Variants in P4HA1 observed in about 807,000 individuals in gnomAD.
P4HA1 encodes the protein prolyl 4-hydroxylase subunit alpha-1.
Under a neutral mutation model 72.8 loss-of-function variants are expected in P4HA1, and 24 were observed. The observed-to-expected ratio is 0.33, with a 90% CI of 0.24 to 0.46. The LOEUF (loss-of-function observed/expected upper bound fraction) is 0.46. Among genes scored for constraint, P4HA1 ranks in the 20% least tolerant of loss-of-function variants. The probability of loss-of-function intolerance (pLI) is 1.00; values close to 1 mark genes in which losing one functional copy is unlikely to be tolerated. For synonymous variants in P4HA1, 201 were observed against 218.8 expected (o/e 0.92, Z 0.72); for missense variants, 446 against 640.6 (o/e 0.70, Z 3.28).
intron 1 of P4HA1, among the ~76,000 whole-genome samples, chr10:73,080,900 C>A (rs111729909): frequency 9.9e-5 from 15 of 152,252 alleles, no homozygotes; most frequent in African/African-American, 3.6e-4. Flanking sequence ...TGCACTCCAG[C>A]CTGGGCAACA....
At chr10:73,059,767 T>A (rs1387748705) in intron 5 of P4HA1, among the ~76,000 whole-genome samples, 1 of 147,752 alleles carries the variant, frequency 6.8e-6, no homozygotes, top group Non-Finnish European at 1.5e-5. Context: ...AAAATAAAAA[T>A]AAATAAAATA....
At chr10:73,050,867 G>C (rs1444819842) in intron 7 of P4HA1, among the ~76,000 whole-genome samples, 186 bp downstream of exon 7, 1 of 152,052 alleles carries the variant, frequency 6.6e-6, no homozygotes, top group Non-Finnish European at 1.5e-5. Flanking sequence ...AGCATGCCCA[G>C]CTAATTTTTA....
chr10:73,029,739 C>T (rs1430728445), intron 10 of P4HA1, among the ~76,000 whole-genome samples: 2 of 151,168 alleles, frequency 1.3e-5, no homozygotes, highest in Non-Finnish European at 2.9e-5. Flanking sequence ...CTGTTTACTA[C>T]AGATATTTTG....
intron 5 of P4HA1, among the ~76,000 whole-genome samples, chr10:73,064,059 G>C (rs1841368405): frequency 6.6e-6 from 1 of 152,060 alleles, no homozygotes; most frequent in Non-Finnish European, 1.5e-5. Flanking sequence ...AAATTCCTTT[G>C]GTTCAAAGGA....
chr10:73,023,893 A>C (rs1840198155), intron 10 of P4HA1, among the ~76,000 whole-genome samples: 1 of 152,190 alleles, frequency 6.6e-6, no homozygotes, highest in Non-Finnish European at 1.5e-5. Flanking sequence ...GAGACAAAGA[A>C]GGCCATTACG....
At position 73,068,875 on chromosome 10, in the gene P4HA1, G is replaced by A; in HGVS notation, c.434C>T (p.Thr145Ile). ...AAGATTACCCTTTGAGATGGTATCTGTATCCAAATTGTAGGTATCCTGGAG... is the reference window on the plus strand; with the variant it reads ...AAGATTACCCTTTGAGATGGTATCTATATCCAAATTGTAGGTATCCTGGAG... The part of the protein sequence containing the change: ...LRLQDTYNLD[T>I]DTISKGNLPG... Residue 145 changes from threonine (T) to isoleucine (I), a missense_variant, in exon 5 of 15, where the codon ACA (threonine) becomes ATA (isoleucine). Coordinates refer to ENST00000394890, the MANE Select transcript of P4HA1 (RefSeq NM_001017962.3). The A allele has an allele frequency of 6.2e-7, 1 of 1,612,434 alleles. No homozygotes were observed. The highest frequency in any genetic ancestry group is 8.5e-7 in the Non-Finnish European group (1 of 1,178,594).
chr10:73,071,507 A>T (rs1841565422), intron 4 of P4HA1: 1 of 152,194 alleles, frequency 6.6e-6, no homozygotes, highest in South Asian at 2.1e-4. Flanking sequence ...TTAGTCTTCT[A>T]CATCTGTTAT....
intron 4 of P4HA1, chr10:73,071,459 G>A (rs1024726792): frequency 2.0e-5 from 3 of 151,912 alleles, no homozygotes; most frequent in Non-Finnish European, 4.4e-5. Context: ...GGCGGGGGGC[G>A]AGGCATAATC....
intron 10 of P4HA1, among the ~76,000 whole-genome samples, chr10:73,021,550 C>A (rs1207017184): frequency 6.6e-6 from 1 of 152,122 alleles, no homozygotes; most frequent in Non-Finnish European, 1.5e-5. Context: ...AAAATAAGCC[C>A]AGCATAGACA....
intron 13 of P4HA1, among the ~76,000 whole-genome samples, 156 bp downstream of exon 13, chr10:73,010,813 A>G (rs1839896837): frequency 1.3e-5 from 2 of 152,132 alleles, no homozygotes; most frequent in Admixed American, 6.5e-5. Flanking sequence ...AGCCATGTTT[A>G]TACTGCTGGG....
At chr10:73,081,608 G>A (rs529784564) in intron 1 of P4HA1, among the ~76,000 whole-genome samples, 4 of 152,208 alleles carry the variant, frequency 2.6e-5, no homozygotes, top group Admixed American at 1.3e-4. Context: ...AGACTCAACA[G>A]GTCAATCAAA....
intron 12 of P4HA1, among the ~76,000 whole-genome samples, chr10:73,012,815 A>T (rs975210186): frequency 1.3e-5 from 2 of 152,140 alleles, no homozygotes; most frequent in African/African-American, 4.8e-5. Flanking sequence ...ATTTTTTGAG[A>T]TGGAGCCACG....
In P4HA1 at chr10:73,010,963, G is replaced by A. The variant is rs540129112; in HGVS notation, c.1437+6C>T. ...AATAAACCAAAAACAAAACAAACAG[G>A]CTTACTTTTTTGGGCCAAACACTAG... On this transcript the variant is annotated splice_donor_region_variant and intron_variant, in intron 13 of 14. Transcript: ENST00000394890. 2 of 1,609,676 alleles carry A rather than the reference G, an allele frequency of 1.2e-6. No individual in the cohort carries two copies. The highest frequency in any genetic ancestry group is 3.3e-5 in the Admixed American group (2 of 59,916).
chr10:73,050,758 T>C (rs929209095), intron 7 of P4HA1, among the ~76,000 whole-genome samples: 1 of 150,566 alleles, frequency 6.6e-6, no homozygotes, highest in Non-Finnish European at 1.5e-5. Context: ...CAGGCTGGAG[T>C]GCAGTGGTGT....
intron 9 of P4HA1, among the ~76,000 whole-genome samples, chr10:73,041,060 T>G (rs1480323212): frequency 6.6e-6 from 1 of 152,186 alleles, no homozygotes; most frequent in Admixed American, 6.5e-5. Flanking sequence ...AAATCCTTAC[T>G]ATCTATTAGT....
At chr10:73,059,802 A>C (rs1448707191) in intron 5 of P4HA1, among the ~76,000 whole-genome samples, 1 of 151,856 alleles carries the variant, frequency 6.6e-6, no homozygotes, top group Non-Finnish European at 1.5e-5. Flanking sequence ...ATAGCCAGGT[A>C]TGGTGGTACT....
intron 5 of P4HA1, among the ~76,000 whole-genome samples, chr10:73,065,814 A>T (rs181482541): frequency 1.6e-4 from 25 of 152,342 alleles, no homozygotes; most frequent in African/African-American, 5.8e-4. Flanking sequence ...TAAAGCAAAA[A>T]ATTGGACAAA....
chr10:73,018,668 GGA>G (rs1840065383), intron 10 of P4HA1, among the ~76,000 whole-genome samples: 1 of 152,098 alleles, frequency 6.6e-6, no homozygotes, highest in East Asian at 1.9e-4. Context: ...CCCAGGGATA[GGA>G]GTTGCCACTA....
chr10:73,057,494 A>C (rs1220451971), intron 5 of P4HA1, among the ~76,000 whole-genome samples: 1 of 152,164 alleles, frequency 6.6e-6, no homozygotes, highest in Non-Finnish European at 1.5e-5. Context: ...CATCTCTTAA[A>C]AAAAACAAAA....
Sources: allele counts gnomAD v4.1 joint callset (sites outside exome capture counted in the v4.1 genomes callset), GRCh38; gene constraint gnomAD v4.1.1; transcripts MANE v1.5; gene names NCBI Gene and HGNC (gene_info 2026-07-23, HGNC 2026-07-21).